The following RAB31 variants were observed in gnomAD, a reference collection of about 807,000 sequenced individuals.
RAB31 encodes the protein RAB31, member RAS oncogene family, also known as ras-related protein Rab-31.
RAB31 carries 21 observed loss-of-function variants against 25.6 expected under a neutral mutation model. The observed-to-expected ratio is 0.82, with a 90% confidence interval of 0.58 to 1.18. The LOEUF (loss-of-function observed/expected upper bound fraction) is 1.18, where lower values mean the gene tolerates loss of function less well. Ranked by LOEUF, RAB31 falls within the 50% of genes most tolerant of loss-of-function variation. The pLI, the probability that RAB31 is intolerant of heterozygous loss-of-function variation, is 0.00. For missense variants in RAB31, 196 were observed against 250.1 expected, an observed-to-expected ratio of 0.78 and a Z score of 1.46; for synonymous variants, 87 against 84.0, an observed-to-expected ratio of 1.04 and a Z score of -0.20.
At chr18:9,721,024 T>C (rs1348837946) in intron 1 of RAB31, among the ~76,000 whole-genome samples, 2 of 152,126 alleles carry the variant, frequency 1.3e-5, no homozygotes, top group Non-Finnish European at 2.9e-5. Flanking sequence ...CCACCTCCTT[T>C]TGGGGAATGG....
At chr18:9,775,845 G>A (rs1331392078) in intron 2 of RAB31, among the ~76,000 whole-genome samples, 4 of 152,116 alleles carry the variant, frequency 2.6e-5, no homozygotes, top group African/African-American at 9.7e-5. Flanking sequence ...CCAGGCTGGA[G>A]TGCAGTGGGG....
intron 3 of RAB31, among the ~76,000 whole-genome samples, chr18:9,802,211 A>G (rs2068517302): frequency 6.6e-6 from 1 of 152,234 alleles, no homozygotes; most frequent in South Asian, 2.1e-4. Flanking sequence ...ATTTATCAAA[A>G]GAATCCAACT....
chr18:9,740,582 G>A lies in RAB31; in HGVS notation c.39+32138G>A, dbSNP rs181214334. 1.8e-4 allele frequency among the ~76,000 whole-genome samples: 27 copies of A among 152,062 alleles called. No homozygotes were observed. The East Asian group carries it at 4.5e-3, about 25-fold the overall frequency. ...GCAAAAATTAGCTGGGCGTGGTGGCGCACACCTGTAATCCCAGCTACTCAG... is the reference window on the plus strand; with the variant it reads ...GCAAAAATTAGCTGGGCGTGGTGGCACACACCTGTAATCCCAGCTACTCAG... On this transcript the variant is annotated intron_variant, in intron 1 of 6. Coordinates refer to ENST00000578921, the MANE Select transcript of RAB31 (RefSeq NM_006868.4).
Position 9,828,280 on chromosome 18 carries a change from C to T in RAB31, c.380+13058C>T, listed in dbSNP as rs138266777. Among the ~76,000 whole-genome samples, 8 of 152,254 alleles carry T rather than the reference C, an allele frequency of 5.3e-5. No homozygotes were observed. In the East Asian group the frequency reaches 9.6e-4, roughly 18 times the overall value. ...GTGCTGGCCAGGATGGTGCCCGCCT[C>T]GGCTTCCCCATTGCCAGGCAGTCAG... On this transcript the variant is annotated intron_variant, in intron 5 of 6. Transcript: ENST00000578921.
At chr18:9,833,471 G>A (rs535130084) in intron 5 of RAB31, among the ~76,000 whole-genome samples, 2 of 152,318 alleles carry the variant, frequency 1.3e-5, no homozygotes, top group South Asian at 4.1e-4. Context: ...AACGCCCAGA[G>A]CCTCAGCAGA....
chr18:9,738,004 A>T (rs927597791), intron 1 of RAB31, among the ~76,000 whole-genome samples: 1 of 152,164 alleles, frequency 6.6e-6, no homozygotes, highest in African/African-American at 2.4e-5. Flanking sequence ...CATTTAAATG[A>T]TGCTTGCTGC....
intron 5 of RAB31, among the ~76,000 whole-genome samples, chr18:9,821,462 C>G (rs1034434162): frequency 6.6e-6 from 1 of 151,922 alleles, no homozygotes; most frequent in African/African-American, 2.4e-5. Flanking sequence ...ATAGTTGACA[C>G]TAGTGTTGCA....
At chr18:9,735,152 G>C (rs1161859397) in intron 1 of RAB31, among the ~76,000 whole-genome samples, 1 of 151,990 alleles carries the variant, frequency 6.6e-6, no homozygotes, top group East Asian at 1.9e-4. Context: ...CAAGTAGCTG[G>C]GATTATAGGC....
intron 5 of RAB31, among the ~76,000 whole-genome samples, chr18:9,825,332 G>C (rs1218759020): frequency 6.6e-6 from 1 of 152,256 alleles, no homozygotes; most frequent in African/African-American, 2.4e-5. Context: ...AAATAGAAAA[G>C]AAAGCTTTGT....
At chr18:9,841,113 G>C (rs1027974998) in intron 5 of RAB31, among the ~76,000 whole-genome samples, 3 of 152,048 alleles carry the variant, frequency 2.0e-5, no homozygotes, top group Non-Finnish European at 1.5e-5. Flanking sequence ...CCTATTTTTT[G>C]TAGAGATAGG....
At chr18:9,738,527 T>C (rs922856324) in intron 1 of RAB31, among the ~76,000 whole-genome samples, 2 of 152,200 alleles carry the variant, frequency 1.3e-5, no homozygotes, top group Non-Finnish European at 2.9e-5. Flanking sequence ...GGAGAGCTTC[T>C]GGATAGCTGA....
At chr18:9,780,824 G>A (rs144786699) in intron 2 of RAB31, among the ~76,000 whole-genome samples, 1,824 of 152,266 alleles carry the variant, frequency 0.012, 26 homozygotes, top group Non-Finnish European at 0.018. Flanking sequence ...CAGCTACCTT[G>A]GGAGGCTGAG....
chr18:9,853,616 A>T (rs367744108), intron 6 of RAB31, among the ~76,000 whole-genome samples: 3 of 152,218 alleles, frequency 2.0e-5, no homozygotes, highest in African/African-American at 7.2e-5. Context: ...ATGTTATTAC[A>T]TGTTTATCAA....
At chr18:9,823,360 C>A (rs1045184556) in intron 5 of RAB31, among the ~76,000 whole-genome samples, 2 of 152,074 alleles carry the variant, frequency 1.3e-5, no homozygotes, top group Non-Finnish European at 2.9e-5. Flanking sequence ...ACACAGGAAC[C>A]TACACAGGTG....
In RAB31 at chr18:9,804,600, G is replaced by A. The variant is rs937849071; in HGVS notation, c.202-9420G>A. ...TTCTTTTATGGAGCTAATTTCCTACGTCTGGCTAAAATACAGTAGAAAAGC... is the reference window on the plus strand; with the variant it reads ...TTCTTTTATGGAGCTAATTTCCTACATCTGGCTAAAATACAGTAGAAAAGC... On this transcript the variant is annotated intron_variant, in intron 3 of 6. Coordinates refer to ENST00000578921, the MANE Select transcript of RAB31 (RefSeq NM_006868.4). 2.0e-5 allele frequency among the ~76,000 whole-genome samples: 3 copies of A among 152,106 alleles called. No individual in the cohort carries two copies. In the East Asian group the frequency reaches 5.8e-4, roughly 29 times the overall value.
At chr18:9,846,422 C>A (rs905994965) in intron 6 of RAB31, among the ~76,000 whole-genome samples, 9 of 152,210 alleles carry the variant, frequency 5.9e-5, no homozygotes, top group African/African-American at 2.2e-4. Flanking sequence ...CCAGAGAAGT[C>A]CCTGCTGACA....
chr18:9,833,228 C>T (rs772601108), intron 5 of RAB31, among the ~76,000 whole-genome samples: 18 of 152,196 alleles, frequency 1.2e-4, no homozygotes, highest in Non-Finnish European at 1.8e-4. Context: ...CCAGCCGCTC[C>T]GGGAAGAAAA....
At chr18:9,823,453 A>G (rs2068633589) in intron 5 of RAB31, among the ~76,000 whole-genome samples, 1 of 152,206 alleles carries the variant, frequency 6.6e-6, no homozygotes. Flanking sequence ...GAATGCATCA[A>G]TGACAATGTC....
intron 2 of RAB31, among the ~76,000 whole-genome samples, chr18:9,786,162 G>T (rs2068431690): frequency 7.6e-6 from 1 of 132,326 alleles, no homozygotes; most frequent in African/African-American, 2.6e-5. Flanking sequence ...AAGAAGGAAA[G>T]AAAAGAAAAG....
Sources: gnomAD v4.1 joint callset for allele counts (sites outside exome capture counted in the v4.1 genomes callset) on GRCh38, gnomAD v4.1.1 for gene constraint, MANE v1.5 for transcripts, NCBI Gene and HGNC (gene_info 2026-07-23, HGNC 2026-07-21) for gene names.